The following ADGRV1 variants were observed in gnomAD, a reference collection of about 807,000 sequenced individuals.
ADGRV1 encodes G-protein coupled receptor 98.
ADGRV1 carries 359 observed loss-of-function variants against 596.2 expected under a neutral mutation model. That is an observed-to-expected ratio of 0.60 (90% CI 0.55 to 0.66). ADGRV1 has a LOEUF of 0.66. Among genes scored for constraint, ADGRV1 ranks in the 30% least tolerant of loss-of-function variants. ADGRV1 has a pLI of 0.00. For synonymous variants in ADGRV1, 2,681 were observed against 2,679.2 expected, an observed-to-expected ratio of 1.00 and a Z score of -0.02; for missense variants, 7,274 against 7,575.6, an observed-to-expected ratio of 0.96 and a Z score of 1.48.
At chr5:91,063,873 G>A (rs377517597) in intron 85 of ADGRV1, among the ~76,000 whole-genome samples, 1 of 150,420 alleles carries the variant, frequency 6.6e-6, no homozygotes, top group African/African-American at 2.5e-5. Context: ...GGTGGTGGTG[G>A]TGATGGTGGT....
chr5:91,153,833 A>G (rs59753442), intron 89 of ADGRV1, among the ~76,000 whole-genome samples: 3,183 of 152,342 alleles, frequency 0.021, 120 homozygotes, highest in African/African-American at 0.072. Context: ...GTGCTATCAC[A>G]TACAATAATT....
intron 82 of ADGRV1, among the ~76,000 whole-genome samples, chr5:90,861,721 G>C (rs1473429858): frequency 1.3e-5 from 2 of 152,082 alleles, no homozygotes; most frequent in Non-Finnish European, 2.9e-5. Context: ...ATTAAAAAAA[G>C]ATTTCTAAGT....
intron 85 of ADGRV1, among the ~76,000 whole-genome samples, chr5:91,042,150 C>T (rs1180508590): frequency 6.6e-6 from 1 of 152,140 alleles, no homozygotes; most frequent in Non-Finnish European, 1.5e-5. Flanking sequence ...CAAGCCCTGC[C>T]TGAACTTCTC....
At chr5:90,661,202 GC>G in intron 21 of ADGRV1, among the ~76,000 whole-genome samples, 1 of 152,232 alleles carries the variant, frequency 6.6e-6, no homozygotes, top group East Asian at 1.9e-4. Flanking sequence ...TACGTGTCCT[GC>G]CAAATTGTAT....
intron 85 of ADGRV1, among the ~76,000 whole-genome samples, chr5:91,028,033 CT>C (rs1412113333): frequency 3.4e-5 from 3 of 87,654 alleles, no homozygotes; most frequent in Non-Finnish European, 8.7e-5. Context: ...CTTTTTTTTT[CT>C]TTCTTTTTTT....
At chr5:90,933,980 C>T (rs191727365) in intron 83 of ADGRV1, among the ~76,000 whole-genome samples, 281 of 152,252 alleles carry the variant, frequency 1.8e-3, no homozygotes, top group Non-Finnish European at 3.4e-3. Flanking sequence ...AGGGGCCTGT[C>T]GCAGGCACAG....
chr5:90,796,922 TGAGA>T (rs1337540114), intron 70 of ADGRV1, among the ~76,000 whole-genome samples: 1 of 152,134 alleles, frequency 6.6e-6, no homozygotes, highest in Non-Finnish European at 1.5e-5. Flanking sequence ...GAGCAAATGC[TGAGA>T]GATTTTGTCA....
rs534508538 is a variant in ADGRV1, at chr5:90,725,127, T to A, written c.9948T>A (p.Asn3316Lys). ...IENPKTCEAFNIGFSPYFVIT... is the reference protein window; with the variant it reads ...IENPKTCEAFKIGFSPYFVIT... Reference sequence around the variant, plus strand: ...ATCCTAAAACTTGTGAGGCCTTTAATATTGGTTTTTCTCCCTACTTTGTGA... The same window carrying A: ...ATCCTAAAACTTGTGAGGCCTTTAAAATTGGTTTTTCTCCCTACTTTGTGA... The change falls in exon 47 of 90, where the codon AAT becomes AAA. Residue 3316 changes from asparagine (N) to lysine (K), a missense_variant. Physicochemically the swap from Asn to Lys is moderately conservative, Grantham distance 94. This residue lies in a region of ADGRV1 where 3,643 missense variants were observed against 3,809.2 expected (regional missense o/e 0.96). Coordinates refer to ENST00000405460, the MANE Select transcript of ADGRV1 (RefSeq NM_032119.4). 5.8e-6 allele frequency: 9 copies of A among 1,539,752 alleles called. No homozygotes were observed. The East Asian group carries it at 1.6e-4, about 27-fold the overall frequency.
At chr5:90,947,046 T>A (rs1478732141) in intron 83 of ADGRV1, among the ~76,000 whole-genome samples, 2 of 152,204 alleles carry the variant, frequency 1.3e-5, no homozygotes, top group Admixed American at 1.3e-4. Flanking sequence ...CCACACTGTC[T>A]TCCACAATTG....
chr5:90,785,308 G>A (rs1759311452), intron 67 of ADGRV1, among the ~76,000 whole-genome samples: 1 of 151,822 alleles, frequency 6.6e-6, no homozygotes, highest in African/African-American at 2.4e-5. Flanking sequence ...AACCCTAGGA[G>A]AAAACCTAGG....
chr5:91,007,640 G>A (rs1782387463), intron 85 of ADGRV1, among the ~76,000 whole-genome samples: 3 of 152,132 alleles, frequency 2.0e-5, no homozygotes, highest in African/African-American at 7.2e-5. Flanking sequence ...ACCTTGCAGA[G>A]AGGTTGAGAT....
At position 90,748,596 on chromosome 5, in the gene ADGRV1, G is replaced by A. The variant is rs116289785; in HGVS notation, c.10975-1955G>A. The stretch of plus-strand genomic sequence containing the variant: ...AGAAGGCAACCCTAAGACATGAACT[G>A]GGTCTTGAGTAGGGAGAGTTAGAAA... On this transcript the variant is annotated intron_variant, in intron 52 of 89. Coordinates refer to ENST00000405460, the MANE Select transcript of ADGRV1 (RefSeq NM_032119.4). 2.8e-3 allele frequency among the ~76,000 whole-genome samples: 422 copies of A among 152,172 alleles called. 1 individual carries two copies. Among genetic ancestry groups the A allele is most frequent in the African/African-American group, 9.8e-3 (406 of 41,512 alleles).
chr5:90,764,267 G>C (rs1756841013), intron 59 of ADGRV1, among the ~76,000 whole-genome samples: 1 of 152,130 alleles, frequency 6.6e-6, no homozygotes, highest in South Asian at 2.1e-4. Context: ...TCAGGGCAAG[G>C]CCTCTTCCCC....
chr5:91,128,070 G>T (rs1793917361), intron 87 of ADGRV1, among the ~76,000 whole-genome samples: 1 of 151,840 alleles, frequency 6.6e-6, no homozygotes, highest in South Asian at 2.1e-4. Context: ...TGATCTGCTT[G>T]CAACCTGTCT....
intron 83 of ADGRV1, among the ~76,000 whole-genome samples, chr5:90,906,812 TCA>T (rs1192376577): frequency 6.6e-6 from 1 of 152,164 alleles, no homozygotes; most frequent in Admixed American, 6.5e-5. Context: ...TTAAGGTGCA[TCA>T]TTAGGTTGTT....
chr5:90,959,109 A>G (rs1777752833), intron 83 of ADGRV1, among the ~76,000 whole-genome samples: 1 of 152,190 alleles, frequency 6.6e-6, no homozygotes, highest in Admixed American at 6.5e-5. Flanking sequence ...AATGTTATCT[A>G]CAAAACAGCT....
At position 91,014,175 on chromosome 5, in the gene ADGRV1, C is replaced by CACACACACACACACACACACACACA. The variant is rs56200811; in HGVS notation, c.18152+28653_18152+28654insACACACACACACACACACACACACA. On this transcript the variant is annotated intron_variant, in intron 85 of 89. Coordinates refer to ENST00000405460, the MANE Select transcript of ADGRV1 (RefSeq NM_032119.4). ...ACACACACACACACACACACACACA[C>CACACACACACACACACACACACACA]CCCTAGACATACAGCTAACCAGGGA... Among the ~76,000 whole-genome samples the CACACACACACACACACACACACACA allele has an allele frequency of 1.2e-3, 166 of 143,494 alleles. 1 individual carries two copies. The highest frequency in any genetic ancestry group is 1.6e-3 in the South Asian group (7 of 4,510). 94.1% of individuals were successfully genotyped at this position (143,494 alleles called of 152,430 possible).
chr5:90,891,767 A>C (rs1770845975), intron 83 of ADGRV1, among the ~76,000 whole-genome samples: 1 of 151,970 alleles, frequency 6.6e-6, no homozygotes. Context: ...AATGTTATTG[A>C]CAATGAAGGG....
At chr5:90,582,943 A>G (rs1218645400) in intron 1 of ADGRV1, among the ~76,000 whole-genome samples, 5 of 152,192 alleles carry the variant, frequency 3.3e-5, no homozygotes, top group African/African-American at 4.8e-5. Context: ...ATACATCTGT[A>G]TTAGGTATTT....
Sources: gnomAD v4.1 joint callset for allele counts (sites outside exome capture counted in the v4.1 genomes callset) on GRCh38, gnomAD v4.1.1 for gene constraint, gnomAD v4.1.1 regional missense constraint, MANE v1.5 for transcripts, NCBI Gene and HGNC (gene_info 2026-07-23, HGNC 2026-07-21) for gene names.